Variants in MYO9B observed in about 807,000 individuals in gnomAD.
The protein encoded by MYO9B is myosin IXB.
MYO9B carries 71 observed loss-of-function variants against 229.5 expected under a neutral mutation model. That is an observed-to-expected ratio of 0.31 (90% CI 0.26 to 0.38). The LOEUF (loss-of-function observed/expected upper bound fraction) is 0.38, where lower values mean the gene tolerates loss of function less well. MYO9B is among the 10% of genes least tolerant of loss of function. The pLI, the probability that MYO9B is intolerant of heterozygous loss-of-function variation, is 1.00. For missense variants in MYO9B, 2,255 were observed against 2,920.5 expected (o/e 0.77, Z 5.25); for synonymous variants, 1,185 against 1,235.8 (o/e 0.96, Z 0.86).
At chr19:17,161,861 C>T (rs765128839) in intron 8 of MYO9B, among the ~76,000 whole-genome samples, 13 of 151,402 alleles carry the variant, frequency 8.6e-5, no homozygotes, top group Non-Finnish European at 1.5e-4. Context: ...TGGTGTTGTG[C>T]GCCATAGCCC....
rs1032090256 is a variant in MYO9B at position 17,207,170 on chromosome 19, C to T, written c.5550C>T (p.Phe1850=). 1.9e-5 allele frequency: 31 copies of T among 1,607,160 alleles called. No homozygotes were observed. The highest frequency in any genetic ancestry group is 5.4e-5 in the African/African-American group (4 of 74,756). Reference sequence around the variant, plus strand: ...CACCTGGGGCGCTGGCCATTATCTTCGCACCCTGCCTCCTGCGCTGCCCTG... The same window carrying T: ...CACCTGGGGCGCTGGCCATTATCTTTGCACCCTGCCTCCTGCGCTGCCCTG... ...RMSPGALAII[F]APCLLRCPDN... Residue 1850 remains phenylalanine (F), a synonymous_variant, in exon 35 of 40, where the codon TTC becomes TTT. Transcript: ENST00000682292.
chr19:17,174,070 G>A lies in MYO9B; in HGVS notation c.2140+1107G>A, dbSNP rs890053763. On this transcript the variant is annotated intron_variant, in intron 13 of 39. Coordinates refer to ENST00000682292, the MANE Select transcript of MYO9B (RefSeq NM_004145.4). ...TTTTGAGACGGAGTCTTGCTCTGTC[G>A]CCCAGGCTGGAGTGCAGTGGCGCGA... 8.5e-5 allele frequency among the ~76,000 whole-genome samples: 10 copies of A among 117,234 alleles called. No individual in the cohort carries two copies. The East Asian group carries it at 1.4e-3, about 16-fold the overall frequency. The allele number at this position is 117,234 out of a possible 152,430, so 76.9% of individuals were successfully genotyped here.
At chr19:17,186,721 CTTTG>C (rs2072923379) in intron 18 of MYO9B, among the ~76,000 whole-genome samples, 2 of 151,922 alleles carry the variant, frequency 1.3e-5, no homozygotes, top group South Asian at 2.1e-4. Flanking sequence ...TCCCGTTTGC[CTTTG>C]TTTGTTTTTG....
intron 1 of MYO9B, among the ~76,000 whole-genome samples, chr19:17,091,908 G>T (rs2057642179): frequency 1.3e-5 from 2 of 152,192 alleles, no homozygotes; most frequent in African/African-American, 4.8e-5. Flanking sequence ...GGGGTTTCCT[G>T]AGAGTCTGCC....
At chr19:17,087,020 C>G (rs1338601991) in intron 1 of MYO9B, among the ~76,000 whole-genome samples, 1 of 152,182 alleles carries the variant, frequency 6.6e-6, no homozygotes, top group Non-Finnish European at 1.5e-5. Context: ...CTAATACCTC[C>G]TTGCTTTGTG....
intron 2 of MYO9B, among the ~76,000 whole-genome samples, chr19:17,106,992 G>A (rs2057798506): frequency 6.6e-6 from 1 of 152,224 alleles, no homozygotes; most frequent in Admixed American, 6.5e-5. Context: ...GAACTTGGGA[G>A]GTGGAGGTTG....
At chr19:17,132,037 G>A (rs1345199687) in intron 2 of MYO9B, among the ~76,000 whole-genome samples, 2 of 151,402 alleles carry the variant, frequency 1.3e-5, no homozygotes, top group Admixed American at 6.6e-5. Context: ...GCATCACCAC[G>A]CCTGGCTATT....
intron 23 of MYO9B, 67 bp from the exon 24 acceptor site, chr19:17,198,117 G>C (rs2073066772): frequency 1.3e-6 from 2 of 1,596,220 alleles, no homozygotes; most frequent in African/African-American, 1.3e-5. Context: ...ATGCCTGCAG[G>C]GGCTTCCCCA....
At position 17,172,735 on chromosome 19, in the gene MYO9B, C is replaced by G. The variant is rs760704554; in HGVS notation, c.1936-24C>G. On this transcript the variant is annotated intron_variant, in intron 12 of 39. Transcript: ENST00000682292. The surrounding 1 kb of genome is among the most constrained non-coding windows in gnomAD (Gnocchi z 8.2). ...CCGGTGAGTGACTATCCCCGAGTGACCGCCCACATCCATCCCCCACCAGGA... is the reference window on the plus strand; with the variant it reads ...CCGGTGAGTGACTATCCCCGAGTGAGCGCCCACATCCATCCCCCACCAGGA... The G allele has an allele frequency of 6.2e-7, 1 of 1,611,246 alleles. No homozygotes were observed. The highest frequency in any genetic ancestry group is 1.7e-4 in the Middle Eastern group (1 of 6,058).
chr19:17,094,227 A>C (rs1273874152), intron 1 of MYO9B, among the ~76,000 whole-genome samples: 6 of 151,878 alleles, frequency 4.0e-5, no homozygotes, highest in Non-Finnish European at 7.4e-5. Context: ...TAGAGACGGG[A>C]TTTCTCCATG....
chr19:17,134,008 G>A (rs748982379), intron 2 of MYO9B, among the ~76,000 whole-genome samples: 11 of 151,326 alleles, frequency 7.3e-5, no homozygotes, highest in South Asian at 2.1e-4. Flanking sequence ...TGATCTGCCC[G>A]CCTCGGCCTC....
At chr19:17,181,137 G>A (rs780969183) in intron 15 of MYO9B, 97 bp downstream of exon 15, 34 of 808,292 alleles carry the variant, frequency 4.2e-5, no homozygotes, top group Middle Eastern at 2.5e-4. Context: ...AATTTGCATC[G>A]GCCACTAAAA....
intron 13 of MYO9B, among the ~76,000 whole-genome samples, chr19:17,174,995 G>A (rs2072769651): frequency 6.6e-6 from 1 of 151,830 alleles, no homozygotes; most frequent in Non-Finnish European, 1.5e-5. Context: ...GGGTCAAAGT[G>A]TCTGGGTACA....
At chr19:17,210,572 T>A in intron 37 of MYO9B, 143 bp from the exon 38 acceptor site, 1 of 1,268,970 alleles carries the variant, frequency 7.9e-7, no homozygotes. Flanking sequence ...ACCACCACTC[T>A]GTCCCATGGG....
intron 14 of MYO9B, among the ~76,000 whole-genome samples, chr19:17,179,768 G>T (rs1599398022): frequency 6.6e-6 from 1 of 151,456 alleles, no homozygotes; most frequent in African/African-American, 2.4e-5. Context: ...GCAGGGTGAT[G>T]CATGTCTGTA....
intron 2 of MYO9B, among the ~76,000 whole-genome samples, chr19:17,129,062 G>T (rs1376025398): frequency 6.6e-6 from 1 of 152,148 alleles, no homozygotes; most frequent in African/African-American, 2.4e-5. Context: ...GAGCAGGGGG[G>T]TGGAGGCTTC....
chr19:17,082,124 T>A (rs969559039), intron 1 of MYO9B, among the ~76,000 whole-genome samples: 1 of 152,052 alleles, frequency 6.6e-6, no homozygotes, highest in African/African-American at 2.4e-5. Context: ...AAAAAGGAAG[T>A]ATTGGCTGGG....
rs753248537 is a variant in MYO9B at position 17,197,784 on chromosome 19, T to C, written c.4047-8T>C. The C allele has an allele frequency of 6.2e-7, 1 of 1,613,780 alleles. No individual in the cohort carries two copies. The highest frequency in any genetic ancestry group is 1.1e-5 in the South Asian group (1 of 91,090). Reference sequence around the variant, plus strand: ...GTCAGTAAAAGCCATGTTTCTGTGATCTCGCAGGGAGAGGCGCACCTCCTT... The same window carrying C: ...GTCAGTAAAAGCCATGTTTCTGTGACCTCGCAGGGAGAGGCGCACCTCCTT... On this transcript the variant is annotated splice_polypyrimidine_tract_variant and splice_region_variant and intron_variant, in intron 22 of 39. Coordinates refer to ENST00000682292, the MANE Select transcript of MYO9B (RefSeq NM_004145.4).
rs1555701612 is a variant in MYO9B, at chr19:17,180,341, A to ATCT, written c.2220-585_2220-584insCTT. Among the ~76,000 whole-genome samples the ATCT allele has an allele frequency of 4.5e-3, 399 of 87,984 alleles. 33 individuals carry two copies. The highest frequency in any genetic ancestry group is 5.4e-3 in the Non-Finnish European group (264 of 48,442). The allele number at this position is 87,984 out of a possible 152,430, so 57.7% of individuals were successfully genotyped here. ...AAAGTGGAATGACCAGATGGAAATA[A>ATCT]TTTTTTTTTTTTTTTTTTTTTTTTT... On this transcript the variant is annotated intron_variant, in intron 14 of 39. Coordinates refer to ENST00000682292, the MANE Select transcript of MYO9B (RefSeq NM_004145.4).
Sources: allele counts gnomAD v4.1 joint callset (sites outside exome capture counted in the v4.1 genomes callset), GRCh38; gene constraint gnomAD v4.1.1; non-coding constraint Gnocchi (gnomAD v3.1); transcripts MANE v1.5; gene names NCBI Gene and HGNC (gene_info 2026-07-23, HGNC 2026-07-21).